Variants in SLC16A12 observed in about 807,000 individuals in gnomAD.
The protein encoded by SLC16A12 is solute carrier family 16 member 12, also known as monocarboxylate transporter 12.
In SLC16A12, 17 loss-of-function variants were observed where a neutral mutation model predicts 42.4. The ratio of observed to expected loss-of-function variants is 0.40; its 90% CI spans 0.27 to 0.60. The LOEUF (loss-of-function observed/expected upper bound fraction) is 0.60, where lower values mean the gene tolerates loss of function less well. Ranked by LOEUF, SLC16A12 falls within the 20% of genes least tolerant of loss-of-function variation. The probability of loss-of-function intolerance (pLI) is 0.42; values close to 1 mark genes in which losing one functional copy is unlikely to be tolerated. For missense variants in SLC16A12, 544 were observed against 623.0 expected (o/e 0.87, Z 1.35); for synonymous variants, 224 against 229.4 (o/e 0.98, Z 0.21).
intron 2 of SLC16A12, among the ~76,000 whole-genome samples, chr10:89,484,255 A>C (rs1172812331): frequency 6.6e-6 from 1 of 152,222 alleles, no homozygotes; most frequent in East Asian, 1.9e-4. Flanking sequence ...TGACAGTGTA[A>C]TTATTTGGTG....
At chr10:89,493,233 T>G (rs1842872489) in intron 2 of SLC16A12, among the ~76,000 whole-genome samples, 1 of 151,774 alleles carries the variant, frequency 6.6e-6, no homozygotes, top group Non-Finnish European at 1.5e-5. Flanking sequence ...TTTTTTTTTT[T>G]TGGTCTGAGA....
intron 2 of SLC16A12, among the ~76,000 whole-genome samples, chr10:89,506,848 C>T (rs558299991): frequency 6.6e-6 from 1 of 152,130 alleles, no homozygotes; most frequent in South Asian, 2.1e-4. Flanking sequence ...GGACGAATTG[C>T]TAACTAGAAT....
At chr10:89,456,942 A>G (rs950084357) in intron 3 of SLC16A12, among the ~76,000 whole-genome samples, 2 of 151,994 alleles carry the variant, frequency 1.3e-5, no homozygotes, top group Non-Finnish European at 2.9e-5. Flanking sequence ...CATTTTCTTT[A>G]TCCAGTCTAT....
In SLC16A12 at chr10:89,555,484, T is replaced by C. The variant is rs1441296335; in HGVS notation, c.-47+398A>G. Among the ~76,000 whole-genome samples, 4 of 147,266 alleles carry C rather than the reference T, an allele frequency of 2.7e-5. No individual in the cohort carries two copies. In the East Asian group the frequency reaches 7.8e-4, roughly 29 times the overall value. On this transcript the variant is annotated intron_variant, in intron 2 of 2. Transcript: ENST00000475682. Reference sequence around the variant, plus strand: ...AGGATAATATATATATGTGTATATATACGTATATATACGTATATACGTATA... The same window carrying C: ...AGGATAATATATATATGTGTATATACACGTATATATACGTATATACGTATA...
intron 2 of SLC16A12, among the ~76,000 whole-genome samples, chr10:89,483,738 T>TA (rs1253654983): frequency 0.051 from 3,117 of 61,518 alleles, 176 homozygotes; most frequent in African/African-American, 0.16. Flanking sequence ...ACGCTGCCTC[T>TA]AAAAAAAAAA....
intron 3 of SLC16A12, among the ~76,000 whole-genome samples, chr10:89,453,410 C>T (rs552450793): frequency 6.6e-6 from 1 of 152,204 alleles, no homozygotes; most frequent in African/African-American, 2.4e-5. Context: ...AAAATTCAGA[C>T]ATGTACCACA....
chr10:89,531,563 ATGTGGT>A (rs1843554324), intron 2 of SLC16A12, among the ~76,000 whole-genome samples: 1 of 152,196 alleles, frequency 6.6e-6, no homozygotes, highest in Admixed American at 6.5e-5. Context: ...AACCACCAGG[ATGTGGT>A]TCAGAGGAGG....
intron 2 of SLC16A12, among the ~76,000 whole-genome samples, chr10:89,498,434 A>G (rs1842953605): frequency 6.6e-6 from 1 of 152,258 alleles, no homozygotes; most frequent in African/African-American, 2.4e-5. Flanking sequence ...ATATAGATAC[A>G]AAGGGAATGT....
chr10:89,543,489 A>G (rs917403334), intron 2 of SLC16A12, among the ~76,000 whole-genome samples: 18 of 152,108 alleles, frequency 1.2e-4, no homozygotes, highest in Non-Finnish European at 1.9e-4. Flanking sequence ...CATAATAATA[A>G]CACTTCATAG....
chr10:89,516,284 C>A (rs1455435778), intron 2 of SLC16A12, among the ~76,000 whole-genome samples: 2 of 152,186 alleles, frequency 1.3e-5, no homozygotes, highest in Non-Finnish European at 2.9e-5. Context: ...GACGTGTCCT[C>A]TCTGATTTGG....
intron 3 of SLC16A12, among the ~76,000 whole-genome samples, chr10:89,448,972 C>G (rs1842047375): frequency 6.6e-6 from 1 of 152,122 alleles, no homozygotes; most frequent in Admixed American, 6.6e-5. Flanking sequence ...AACAGACAAA[C>G]AGAGAGCCAA....
At chr10:89,458,209 G>A (rs988810526) in intron 3 of SLC16A12, among the ~76,000 whole-genome samples, 1 of 152,070 alleles carries the variant, frequency 6.6e-6, no homozygotes, top group African/African-American at 2.4e-5. Flanking sequence ...CAGTATCATC[G>A]CCAATTGAAT....
At chr10:89,525,736 A>G (rs1474637773) in intron 2 of SLC16A12, among the ~76,000 whole-genome samples, 1 of 152,196 alleles carries the variant, frequency 6.6e-6, no homozygotes. Flanking sequence ...GCCGGCTGGC[A>G]TTGAGGGTGG....
chr10:89,465,214 G>A (rs2133753813), intron 2 of SLC16A12, among the ~76,000 whole-genome samples: 1 of 152,230 alleles, frequency 6.6e-6, no homozygotes, highest in African/African-American at 2.4e-5. Context: ...AGCAGAAATG[G>A]GCTATGAACC....
intron 2 of SLC16A12, chr10:89,468,284 T>G (rs1842437356): frequency 6.6e-6 from 1 of 152,202 alleles, no homozygotes; most frequent in Non-Finnish European, 1.5e-5. Context: ...TATGCAATAC[T>G]ATTACTAACA....
In SLC16A12 at chr10:89,550,443, C is replaced by T. The variant is rs12573641; in HGVS notation, c.-47+5439G>A. On this transcript the variant is annotated intron_variant, in intron 2 of 2. Transcript: ENST00000475682. ...CTGAGACAGGAGAATCACTTGAATC[C>T]GGGAGGCGGAGGTTGCAGTGAGCTG... Among the ~76,000 whole-genome samples, 4,130 of 152,148 alleles carry T rather than the reference C, an allele frequency of 0.027. 261 individuals carry two copies. In the East Asian group the frequency reaches 0.29, roughly 11 times the overall value.
At chr10:89,531,319 A>G (rs1843550151) in intron 2 of SLC16A12, among the ~76,000 whole-genome samples, 1 of 152,132 alleles carries the variant, frequency 6.6e-6, no homozygotes, top group South Asian at 2.1e-4. Context: ...AAATTACTTG[A>G]ACCAGGGAGG....
intron 2 of SLC16A12, among the ~76,000 whole-genome samples, chr10:89,553,502 G>A (rs1483589080): frequency 6.6e-6 from 1 of 152,092 alleles, no homozygotes; most frequent in Non-Finnish European, 1.5e-5. Flanking sequence ...TTAATAGTTC[G>A]CAGGCATTTT....
chr10:89,543,551 G>A (rs779871470), intron 2 of SLC16A12, among the ~76,000 whole-genome samples: 3 of 152,154 alleles, frequency 2.0e-5, no homozygotes, highest in Non-Finnish European at 2.9e-5. Flanking sequence ...TTAGCTGGCT[G>A]GGTGCAGTGG....
Sources: gnomAD v4.1 joint callset for allele counts (sites outside exome capture counted in the v4.1 genomes callset) on GRCh38, gnomAD v4.1.1 for gene constraint, MANE v1.5 for transcripts, NCBI Gene and HGNC (gene_info 2026-07-23, HGNC 2026-07-21) for gene names.